HHLA2: variants seen among roughly 807,000 people sequenced by gnomAD.
HHLA2 encodes the protein HERV-H LTR-associating protein 2.
In HHLA2, 48 loss-of-function variants were observed where a neutral mutation model predicts 45.9. The observed-to-expected ratio is 1.05, with a 90% CI of 0.83 to 1.33. The LOEUF (loss-of-function observed/expected upper bound fraction) is 1.33. HHLA2 is among the 40% of genes most tolerant of loss of function. The pLI is 0.00. For missense variants in HHLA2, 462 were observed against 494.3 expected, an observed-to-expected ratio of 0.93 and a Z score of 0.62; for synonymous variants, 161 against 173.9, an observed-to-expected ratio of 0.93 and a Z score of 0.59.
chr3:108,305,831 T>A (rs2080919867), intron 1 of HHLA2, among the ~76,000 whole-genome samples: 1 of 152,190 alleles, frequency 6.6e-6, no homozygotes, highest in African/African-American at 2.4e-5. Flanking sequence ...CTTCTAATGG[T>A]AAATCTTCTT....
At position 108,376,476 on chromosome 3, in the gene HHLA2, C is replaced by CA. The variant is rs1553760607; in HGVS notation, c.1160-17_1160-16insA. On this transcript the variant is annotated splice_polypyrimidine_tract_variant and intron_variant, in intron 9 of 10. Coordinates refer to ENST00000619531, the Ensembl canonical transcript of HHLA2. ...TGCAAAGAAATTATTTTTAAGTTCT[C>CA]TTTTTTTTTCCTGTAGAAAGATGTT... The CA allele has an allele frequency of 3.8e-5, 59 of 1,563,828 alleles. No homozygotes were observed. The highest frequency in any genetic ancestry group is 5.0e-5 in the Non-Finnish European group (58 of 1,151,176).
chr3:108,368,939 C>A (rs768649660), intron 8 of HHLA2, among the ~76,000 whole-genome samples: 1 of 152,162 alleles, frequency 6.6e-6, no homozygotes, highest in Non-Finnish European at 1.5e-5. Context: ...TTCTCAGCAC[C>A]ATATAGCACT....
exon 3 of HHLA2, chr3:108,328,343 C>T (rs1022313621): frequency 9.8e-6 from 15 of 1,529,356 alleles, no homozygotes; most frequent in Middle Eastern, 1.7e-4. Flanking sequence ...AACGCACCTC[C>T]TCTGGTAAGT....
intron 2 of HHLA2, among the ~76,000 whole-genome samples, chr3:108,321,491 T>A (rs1399280893): frequency 6.6e-6 from 1 of 152,204 alleles, no homozygotes; most frequent in Non-Finnish European, 1.5e-5. Flanking sequence ...GGTTGCGTTT[T>A]CTTTTTGCTG....
intron 2 of HHLA2, among the ~76,000 whole-genome samples, chr3:108,323,402 C>G (rs1160398521): frequency 2.6e-5 from 4 of 152,096 alleles, no homozygotes; most frequent in Admixed American, 2.6e-4. Flanking sequence ...TATATACCTA[C>G]TGTGTACCCA....
chr3:108,310,758 C>G lies in HHLA2; in HGVS notation c.-105+17C>G, dbSNP rs532730023. ...GGGGAAGAGGTGAGTATTTGCTATA[C>G]TATATTTTACTCTATGTGTATAAAT... On this transcript the variant is annotated intron_variant, in intron 2 of 10. Transcript: ENST00000619531. 2.6e-5 allele frequency: 4 copies of G among 152,632 alleles called. No homozygotes were observed. The highest frequency in any genetic ancestry group is 5.9e-5 in the Non-Finnish European group (4 of 68,004). 9.5% of individuals were successfully genotyped at this position (152,632 alleles called of 1,614,324 possible).
intron 3 of HHLA2, among the ~76,000 whole-genome samples, chr3:108,340,364 G>T (rs991459513): frequency 6.6e-6 from 1 of 152,166 alleles, no homozygotes; most frequent in Non-Finnish European, 1.5e-5. Flanking sequence ...GGGTAAAGAT[G>T]CCCCACTTAA....
chr3:108,305,692 G>A (rs1313132652), intron 1 of HHLA2, among the ~76,000 whole-genome samples: 1 of 152,086 alleles, frequency 6.6e-6, no homozygotes, highest in Non-Finnish European at 1.5e-5. Context: ...AGGAAGGCTT[G>A]GCACTCTCAG....
intron 6 of HHLA2, 109 bp from the exon 6 acceptor site, chr3:108,357,735 C>T: frequency 1.1e-6 from 1 of 882,622 alleles, no homozygotes; most frequent in Non-Finnish European, 1.7e-6. Context: ...AAGTTATTTC[C>T]AAATATATCA....
chr3:108,337,196 T>C (rs1238509487), intron 3 of HHLA2, among the ~76,000 whole-genome samples: 1 of 152,198 alleles, frequency 6.6e-6, no homozygotes, highest in East Asian at 1.9e-4. Flanking sequence ...CTATGCCTAT[T>C]GTATATACTA....
rs1170675935 is a variant in HHLA2, at chr3:108,312,939, A to G, written c.-105+2198A>G. Among the ~76,000 whole-genome samples the G allele has an allele frequency of 2.0e-5, 3 of 148,242 alleles. No homozygotes were observed. In the East Asian group the frequency reaches 8.2e-4, roughly 41 times the overall value. ...GCTTCAATGTAGTGATGATGAAACT[A>G]AAAAAACACAACAGCTGAACATTCT... On this transcript the variant is annotated intron_variant, in intron 2 of 10. Coordinates refer to ENST00000619531, the Ensembl canonical transcript of HHLA2.
intron 3 of HHLA2, among the ~76,000 whole-genome samples, chr3:108,345,874 G>A (rs573672132): frequency 1.3e-4 from 20 of 152,264 alleles, no homozygotes; most frequent in African/African-American, 4.8e-4. Flanking sequence ...ACCACTGGGG[G>A]GCAACTTATA....
intron 8 of HHLA2, among the ~76,000 whole-genome samples, chr3:108,363,689 T>C (rs1386682515): frequency 6.6e-6 from 1 of 152,120 alleles, no homozygotes; most frequent in Non-Finnish European, 1.5e-5. Flanking sequence ...TATACTGATA[T>C]TTGTGATTGG....
chr3:108,335,318 C>A (rs994880315), intron 3 of HHLA2, among the ~76,000 whole-genome samples: 1 of 152,162 alleles, frequency 6.6e-6, no homozygotes, highest in Non-Finnish European at 1.5e-5. Flanking sequence ...GCTGTTTCAT[C>A]CACAACCTGT....
rs367755532 is a variant in HHLA2, at chr3:108,311,186, A to T, written c.-105+445A>T. Among the ~76,000 whole-genome samples the T allele has an allele frequency of 9.2e-4, 140 of 152,296 alleles. 1 individual carries two copies. The highest frequency in any genetic ancestry group is 3.2e-3 in the African/African-American group (134 of 41,574). ...GGAAGCTTGTCTTTCTGTGTTTTCT[A>T]ATAAGCCTGTAATCATTTTGTTAAG... On this transcript the variant is annotated intron_variant, in intron 2 of 10. Coordinates refer to ENST00000619531, the Ensembl canonical transcript of HHLA2.
chr3:108,305,888 A>C (rs1183455770), intron 1 of HHLA2, among the ~76,000 whole-genome samples: 1 of 152,178 alleles, frequency 6.6e-6, no homozygotes, highest in Non-Finnish European at 1.5e-5. Context: ...CAGCCATGAA[A>C]ATGTGGGCTC....
intron 3 of HHLA2, among the ~76,000 whole-genome samples, chr3:108,335,046 G>T (rs2081448200): frequency 6.6e-6 from 1 of 152,156 alleles, no homozygotes; most frequent in Non-Finnish European, 1.5e-5. Context: ...TAATAGAATT[G>T]CAATAAAAGT....
chr3:108,303,876 C>T (rs908834802), intron 1 of HHLA2, among the ~76,000 whole-genome samples: 1 of 152,130 alleles, frequency 6.6e-6, no homozygotes, highest in East Asian at 1.9e-4. Context: ...ACCATCGCCA[C>T]CACCTCACAG....
chr3:108,366,335 T>C (rs924770986), intron 8 of HHLA2, among the ~76,000 whole-genome samples: 16 of 152,230 alleles, frequency 1.1e-4, no homozygotes, highest in African/African-American at 3.9e-4. Flanking sequence ...AAGCCAACTT[T>C]ATCATGGTGC....
Sources: allele counts gnomAD v4.1 joint callset (sites outside exome capture counted in the v4.1 genomes callset), GRCh38; gene constraint gnomAD v4.1.1; transcripts MANE v1.5; gene names NCBI Gene and HGNC (gene_info 2026-07-23, HGNC 2026-07-21).